Variants in CALN1 observed in about 807,000 individuals in gnomAD.
CALN1 encodes calneuron 1.
CALN1 carries 17 observed loss-of-function variants against 30.6 expected under a neutral mutation model. The ratio of observed to expected loss-of-function variants is 0.56; its 90% confidence interval spans 0.38 to 0.83. The LOEUF is 0.83. Ranked by LOEUF, CALN1 falls within the 40% of genes least tolerant of loss-of-function variation. The pLI is 0.00. For missense variants in CALN1, 291 were observed against 354.9 expected (o/e 0.82, Z 1.45); for synonymous variants, 156 against 131.4 (o/e 1.19, Z -1.28).
the CALN1 span, among the ~76,000 whole-genome samples, chr7:72,482,559 T>C: frequency 6.6e-6 from 1 of 152,086 alleles, no homozygotes; most frequent in Admixed American, 6.6e-5. Context: ...GAATATTTCT[T>C]TATGACAGTC....
chr7:71,830,310 T>C (rs1454692597), intron 5 of CALN1, among the ~76,000 whole-genome samples: 1 of 151,952 alleles, frequency 6.6e-6, no homozygotes, highest in East Asian at 1.9e-4. Flanking sequence ...CCCAAAATGC[T>C]GGGATTACAG....
At chr7:71,849,558 A>C (rs887458016) in intron 5 of CALN1, among the ~76,000 whole-genome samples, 15 of 151,938 alleles carry the variant, frequency 9.9e-5, no homozygotes, top group Admixed American at 9.9e-4. Flanking sequence ...TGCTATTTTA[A>C]ATCTATCTAA....
At chr7:72,372,520 G>A (rs1399283394) in intron 2 of CALN1, among the ~76,000 whole-genome samples, 3 of 152,142 alleles carry the variant, frequency 2.0e-5, no homozygotes, top group Non-Finnish European at 4.4e-5. Context: ...ACTACTTTGA[G>A]TTGTTTATAA....
At chr7:72,226,357 C>T (rs750875756) in intron 3 of CALN1, among the ~76,000 whole-genome samples, 1 of 151,896 alleles carries the variant, frequency 6.6e-6, no homozygotes, top group African/African-American at 2.4e-5. Context: ...GCTAACTCTG[C>T]CTACCTGGCA....
chr7:72,245,293 G>A (rs977326474), intron 3 of CALN1, among the ~76,000 whole-genome samples: 19 of 152,052 alleles, frequency 1.2e-4, no homozygotes, highest in African/African-American at 7.2e-5. Flanking sequence ...GCAACCCTAC[G>A]TGCAGTACTG....
chr7:71,916,527 G>A (rs1794697048), intron 5 of CALN1, among the ~76,000 whole-genome samples: 2 of 152,094 alleles, frequency 1.3e-5, no homozygotes, highest in South Asian at 4.1e-4. Context: ...CAGGAACATG[G>A]ATGGAGCTGG....
intron 5 of CALN1, among the ~76,000 whole-genome samples, chr7:71,845,692 A>G (rs897273472): frequency 6.6e-6 from 1 of 152,186 alleles, no homozygotes; most frequent in Non-Finnish European, 1.5e-5. Context: ...GGTGGCATCC[A>G]GCACCCAGAA....
intron 4 of CALN1, among the ~76,000 whole-genome samples, chr7:72,058,368 A>G (rs903494395): frequency 1.6e-4 from 19 of 118,190 alleles, no homozygotes; most frequent in Admixed American, 1.2e-4. Flanking sequence ...CCCAGGCTGG[A>G]GTGCAGTGGC....
chr7:72,098,762 GCGCACACACACA>G lies in CALN1; in HGVS notation c.388+7377_388+7388del, dbSNP rs1444886814. Among the ~76,000 whole-genome samples the G allele has an allele frequency of 1.0e-4, 12 of 115,382 alleles. No homozygotes were observed. In the South Asian group the frequency reaches 2.0e-3, roughly 19 times the overall value. The allele number at this position is 115,382 out of a possible 152,430, so 75.7% of individuals were successfully genotyped here. A position where few individuals can be genotyped will look rare whatever the true frequency, so the allele number is the denominator to read the frequency against. ...CTCTGAGCAGTTCAGCCCATTTGGC[GCGCACACACACA>G]CACACACACACACACACACACACAC... On this transcript the variant is annotated intron_variant, in intron 4 of 6. Transcript: ENST00000395275.
At position 71,979,908 on chromosome 7, in the gene CALN1, C is replaced by T. The variant is rs574652092; in HGVS notation, c.501+43749G>A. 6.6e-5 allele frequency among the ~76,000 whole-genome samples: 8 copies of T among 121,576 alleles called. No homozygotes were observed. In the East Asian group the frequency reaches 2.2e-3, roughly 33 times the overall value. 79.8% of individuals were successfully genotyped at this position (121,576 alleles called of 152,430 possible). A position where few individuals can be genotyped will look rare whatever the true frequency, so the allele number is the denominator to read the frequency against. The stretch of plus-strand genomic sequence containing the variant: ...TTTTTTTTTTTTTGAGACAGAGTCT[C>T]ACTCTGTTGCCCAAGCTGGAGTGCA... On this transcript the variant is annotated intron_variant, in intron 5 of 6. Coordinates refer to ENST00000395275, the MANE Select transcript of CALN1 (RefSeq NM_031468.4).
intron 5 of CALN1, among the ~76,000 whole-genome samples, chr7:71,853,656 T>C (rs919693138): frequency 1.3e-5 from 2 of 152,272 alleles, no homozygotes; most frequent in Admixed American, 6.5e-5. Context: ...CTCAGCTCAC[T>C]GCAACCTCTG....
chr7:72,046,934 C>T (rs1052508609), intron 4 of CALN1, among the ~76,000 whole-genome samples: 2 of 151,810 alleles, frequency 1.3e-5, no homozygotes, highest in African/African-American at 2.4e-5. Flanking sequence ...CACGGTGGCA[C>T]GTGCCTATAG....
chr7:71,993,019 A>G (rs1246562904), intron 5 of CALN1, among the ~76,000 whole-genome samples: 1 of 151,876 alleles, frequency 6.6e-6, no homozygotes, highest in Non-Finnish European at 1.5e-5. Context: ...CCATTGGAGA[A>G]GAAAGAGAAC....
At chr7:72,336,785 G>C (rs939492576) in intron 2 of CALN1, 6 of 985,114 alleles carry the variant, frequency 6.1e-6, no homozygotes, top group Non-Finnish European at 7.2e-6. Context: ...GGCCCGCAGG[G>C]AGGGGGCGGT....
chr7:72,296,751 C>CT (rs1165134529), intron 2 of CALN1, among the ~76,000 whole-genome samples: 1 of 150,556 alleles, frequency 6.6e-6, no homozygotes, highest in African/African-American at 2.4e-5. Flanking sequence ...ATTCTTCTCT[C>CT]TTTTTTTATT....
At chr7:72,182,855 G>T (rs1369527750) in intron 3 of CALN1, among the ~76,000 whole-genome samples, 1 of 152,022 alleles carries the variant, frequency 6.6e-6, no homozygotes, top group African/African-American at 2.4e-5. Context: ...ACAATTATAT[G>T]GACAACTGTG....
At chr7:72,358,168 C>G (rs11973203) in intron 2 of CALN1, among the ~76,000 whole-genome samples, 35,356 of 151,520 alleles carry the variant, frequency 0.23, 5,990 homozygotes, top group African/African-American at 0.45. Context: ...ATTTTTTAAT[C>G]TTTTTCTGGA....
chr7:72,376,373 C>A (rs1266090444), intron 2 of CALN1, among the ~76,000 whole-genome samples: 1 of 152,156 alleles, frequency 6.6e-6, no homozygotes, highest in African/African-American at 2.4e-5. Flanking sequence ...TACAATGTCT[C>A]CGCATCCTTT....
chr7:71,971,973 G>GAAAA (rs1562946744), intron 5 of CALN1, among the ~76,000 whole-genome samples: 1 of 96,868 alleles, frequency 1.0e-5, no homozygotes, highest in Admixed American at 1.1e-4. Flanking sequence ...AAGAAAGAAA[G>GAAAA]AAAGAAAGAA....
Sources: gnomAD v4.1 joint callset for allele counts (sites outside exome capture counted in the v4.1 genomes callset) on GRCh38, gnomAD v4.1.1 for gene constraint, MANE v1.5 for transcripts, NCBI Gene and HGNC (gene_info 2026-07-23, HGNC 2026-07-21) for gene names.